The following PTPRO variants were observed in gnomAD, a reference collection of about 807,000 sequenced individuals.
The protein encoded by PTPRO is protein tyrosine phosphatase receptor type O.
Under a neutral mutation model 145.2 loss-of-function variants are expected in PTPRO, and 62 were observed. The observed-to-expected ratio is 0.43, with a 90% CI of 0.35 to 0.53. The LOEUF is 0.53. Ranked by LOEUF, PTPRO falls within the 20% of genes least tolerant of loss-of-function variation. PTPRO has a pLI of 0.01. For synonymous variants in PTPRO, 565 were observed against 514.7 expected, an observed-to-expected ratio of 1.10 and a Z score of -1.32; for missense variants, 1,345 against 1,482.7, an observed-to-expected ratio of 0.91 and a Z score of 1.53.
chr12:15,385,573 G>A (rs1482388970), intron 1 of PTPRO, among the ~76,000 whole-genome samples: 4 of 152,102 alleles, frequency 2.6e-5, no homozygotes, highest in Non-Finnish European at 1.5e-5. Context: ...CCAGCACTTT[G>A]GGAGGCCAAG....
intron 1 of PTPRO, among the ~76,000 whole-genome samples, chr12:15,383,876 A>G (rs1246633067): frequency 6.6e-6 from 1 of 152,214 alleles, no homozygotes; most frequent in Non-Finnish European, 1.5e-5. Context: ...AATTTCCCCT[A>G]CAAGAGATGG....
At chr12:15,549,270 T>C in intron 14 of PTPRO, 44 bp downstream of exon 14, 1 of 874,100 alleles carries the variant, frequency 1.1e-6, no homozygotes, top group Non-Finnish European at 1.6e-6. Context: ...TTTTTTTGAA[T>C]ATATATATAT....
At chr12:15,541,750 G>C (rs893854146) in intron 12 of PTPRO, among the ~76,000 whole-genome samples, 13 of 152,228 alleles carry the variant, frequency 8.5e-5, no homozygotes, top group East Asian at 7.7e-4. Context: ...GGTGGCTTAC[G>C]CCTGTAATCC....
chr12:15,392,720 CAAAAAA>C (rs1177789187), intron 1 of PTPRO, among the ~76,000 whole-genome samples: 19 of 66,684 alleles, frequency 2.8e-4, no homozygotes, highest in African/African-American at 1.2e-3. Flanking sequence ...GACCCTGTCT[CAAAAAA>C]AAAAAAAAAA....
chr12:15,528,610 T>C (rs1942893903), intron 12 of PTPRO, among the ~76,000 whole-genome samples: 2 of 151,792 alleles, frequency 1.3e-5, no homozygotes, highest in African/African-American at 2.4e-5. Flanking sequence ...GGAAGTTTAC[T>C]GAAAGAAATA....
At chr12:15,475,520 A>G (rs887071342) in intron 1 of PTPRO, among the ~76,000 whole-genome samples, 1 of 152,246 alleles carries the variant, frequency 6.6e-6, no homozygotes, top group African/African-American at 2.4e-5. Context: ...AGTAAGATTT[A>G]TTAGTAAGGA....
intron 1 of PTPRO, among the ~76,000 whole-genome samples, chr12:15,471,222 T>C (rs972042063): frequency 1.3e-5 from 2 of 151,898 alleles, no homozygotes; most frequent in Non-Finnish European, 2.9e-5. Flanking sequence ...CTACAAAAAA[T>C]ACAAAAAAAT....
chr12:15,389,353 C>T (rs775204828), intron 1 of PTPRO, among the ~76,000 whole-genome samples: 3 of 152,062 alleles, frequency 2.0e-5, no homozygotes, highest in East Asian at 3.9e-4. Flanking sequence ...ATGATCCGCC[C>T]GTCTCAGGCT....
intron 1 of PTPRO, among the ~76,000 whole-genome samples, chr12:15,385,811 C>CAAAAAAAAAAAA (rs761750012): frequency 1.1e-4 from 4 of 37,084 alleles, no homozygotes; most frequent in Non-Finnish European, 1.7e-4. Context: ...GACTCCATCT[C>CAAAAAAAAAAAA]AAAAAAAAAA....
In PTPRO at chr12:15,499,310, T is replaced by C. The variant is rs1034331695; in HGVS notation, c.509-132T>C. 3.3e-6 allele frequency: 3 copies of C among 913,998 alleles called. No individual in the cohort carries two copies. In the Admixed American group the frequency reaches 6.2e-5, roughly 19 times the overall value. The allele number at this position is 913,998 out of a possible 1,614,324, so 56.6% of individuals were successfully genotyped here. On this transcript the variant is annotated intron_variant, in intron 3 of 26. Transcript: ENST00000281171. ...CATCTCTAGCCTTCTACTAACTCTTTATTACTGCCCATAACAGTAGTTGAA... is the reference window on the plus strand; with the variant it reads ...CATCTCTAGCCTTCTACTAACTCTTCATTACTGCCCATAACAGTAGTTGAA...
At chr12:15,538,853 C>T (rs529186672) in intron 12 of PTPRO, among the ~76,000 whole-genome samples, 14 of 152,158 alleles carry the variant, frequency 9.2e-5, no homozygotes, top group Middle Eastern at 6.8e-3. Flanking sequence ...CCCTCACAAA[C>T]AAATTGTGTT....
chr12:15,509,615 T>C (rs1447252695), intron 7 of PTPRO, among the ~76,000 whole-genome samples: 3 of 131,560 alleles, frequency 2.3e-5, no homozygotes, highest in Non-Finnish European at 3.3e-5. Context: ...GAGAATCACT[T>C]GAACCCGGGA....
chr12:15,594,580 G>A (rs1944619510), intron 25 of PTPRO, among the ~76,000 whole-genome samples: 1 of 151,310 alleles, frequency 6.6e-6, no homozygotes, highest in Non-Finnish European at 1.5e-5. Flanking sequence ...TATATAATCT[G>A]GGGTGATGAA....
intron 1 of PTPRO, among the ~76,000 whole-genome samples, chr12:15,428,947 A>C (rs577480716): frequency 6.6e-6 from 1 of 152,210 alleles, no homozygotes; most frequent in Non-Finnish European, 1.5e-5. Context: ...CCTGCATCCC[A>C]GTGTCTAGGA....
At chr12:15,382,613 A>G (rs1221263489) in intron 1 of PTPRO, among the ~76,000 whole-genome samples, 1 of 152,246 alleles carries the variant, frequency 6.6e-6, no homozygotes, top group Non-Finnish European at 1.5e-5. Flanking sequence ...ACAGAGAATT[A>G]TCTGATTCAC....
At chr12:15,594,347 C>CT (rs1030623669) in intron 25 of PTPRO, among the ~76,000 whole-genome samples, 26 of 149,256 alleles carry the variant, frequency 1.7e-4, no homozygotes, top group East Asian at 5.9e-4. Context: ...ATGGGATATC[C>CT]TTTTTTTTTC....
chr12:15,478,315 T>C (rs1941703206), intron 1 of PTPRO, among the ~76,000 whole-genome samples: 1 of 152,182 alleles, frequency 6.6e-6, no homozygotes. Context: ...ATATTAAGGA[T>C]ACTGACAATT....
intron 1 of PTPRO, among the ~76,000 whole-genome samples, chr12:15,336,994 C>G (rs1333966811): frequency 6.6e-6 from 1 of 152,166 alleles, no homozygotes; most frequent in African/African-American, 2.4e-5. Context: ...CCAGAACAAT[C>G]AGAACCTAGT....
chr12:15,417,482 T>C (rs1020531103), intron 1 of PTPRO, among the ~76,000 whole-genome samples: 2 of 151,710 alleles, frequency 1.3e-5, no homozygotes, highest in African/African-American at 4.9e-5. Context: ...TTGAATCAAA[T>C]TTAACAAAAC....
Sources: gnomAD v4.1 joint callset for allele counts (sites outside exome capture counted in the v4.1 genomes callset) on GRCh38, gnomAD v4.1.1 for gene constraint, MANE v1.5 for transcripts, NCBI Gene and HGNC (gene_info 2026-07-23, HGNC 2026-07-21) for gene names.